Variants in MAS1 observed in about 807,000 individuals in gnomAD.
MAS1 encodes the protein MAS1 proto-oncogene, G protein-coupled receptor.
For synonymous variants in MAS1, 163 were observed against 164.2 expected (o/e 0.99, Z 0.05); for missense variants, 387 against 409.7 (o/e 0.94, Z 0.48).
chr6:159,905,349 G>A (rs1782872870), intron 2 of MAS1, among the ~76,000 whole-genome samples: 1 of 152,208 alleles, frequency 6.6e-6, no homozygotes, highest in South Asian at 2.1e-4. Context: ...ATCCTGTGTG[G>A]GTTCTTTTCC....
chr6:159,889,891 TG>T (rs1782678204), upstream of MAS1, among the ~76,000 whole-genome samples: 2 of 152,200 alleles, frequency 1.3e-5, no homozygotes, highest in Admixed American at 6.5e-5. Flanking sequence ...GGCTCTGCCC[TG>T]GGACTATGGT....
At chr6:159,892,221 C>T (rs570177415) in intron 1 of MAS1, among the ~76,000 whole-genome samples, 4 of 152,260 alleles carry the variant, frequency 2.6e-5, no homozygotes, top group South Asian at 4.1e-4. Context: ...ACATTCCCAT[C>T]GGAGCCCTTG....
At chr6:159,893,013 C>T (rs946638554) in intron 1 of MAS1, among the ~76,000 whole-genome samples, 2 of 152,176 alleles carry the variant, frequency 1.3e-5, no homozygotes, top group African/African-American at 4.8e-5. Flanking sequence ...GCCAAGCAGC[C>T]GTAGGCACAA....
intron 2 of MAS1, among the ~76,000 whole-genome samples, chr6:159,905,964 C>A (rs1450368951): frequency 3.3e-5 from 5 of 152,064 alleles, no homozygotes; most frequent in Admixed American, 6.5e-5. Context: ...ATCGCTTGAA[C>A]CTGGGAGGCG....
intron 1 of MAS1, among the ~76,000 whole-genome samples, chr6:159,895,727 G>A (rs949975050): frequency 6.6e-6 from 1 of 152,150 alleles, no homozygotes; most frequent in Non-Finnish European, 1.5e-5. Context: ...TGTAGAAAAA[G>A]AAACATATAT....
intron 1 of MAS1, among the ~76,000 whole-genome samples, chr6:159,894,023 G>A (rs1782728250): frequency 6.6e-6 from 1 of 152,176 alleles, no homozygotes; most frequent in South Asian, 2.1e-4. Flanking sequence ...AGACTGCTCT[G>A]CCACCTGATG....
At chr6:159,901,899 C>A (rs1215781295) in intron 2 of MAS1, among the ~76,000 whole-genome samples, 1 of 151,776 alleles carries the variant, frequency 6.6e-6, no homozygotes, top group Non-Finnish European at 1.5e-5. Flanking sequence ...TTTGAAACAC[C>A]TTTCTCAGAT....
chr6:159,900,778 C>A (rs1196170248), intron 2 of MAS1, among the ~76,000 whole-genome samples: 17 of 152,118 alleles, frequency 1.1e-4, no homozygotes, highest in Admixed American at 9.8e-4. Flanking sequence ...ATTCTTAGAA[C>A]TGTTATAATG....
intron 1 of MAS1, among the ~76,000 whole-genome samples, chr6:159,894,503 AAAG>A (rs959824295): frequency 2.6e-4 from 39 of 152,156 alleles, no homozygotes; most frequent in African/African-American, 8.2e-4. Flanking sequence ...AGCGAAGGAG[AAAG>A]AAGAAGAACT....
At chr6:159,895,160 G>A (rs1173924315) in intron 1 of MAS1, among the ~76,000 whole-genome samples, 2 of 152,236 alleles carry the variant, frequency 1.3e-5, no homozygotes, top group East Asian at 1.9e-4. Context: ...TAGACGGACT[G>A]TTGACAATGA....
intron 2 of MAS1, among the ~76,000 whole-genome samples, chr6:159,905,934 C>T (rs1363694105): frequency 6.6e-6 from 1 of 151,898 alleles, no homozygotes; most frequent in African/African-American, 2.4e-5. Context: ...CCCAGCTACT[C>T]AGGAAGCTGA....
intron 1 of MAS1, among the ~76,000 whole-genome samples, chr6:159,892,663 C>T (rs1306793664): frequency 6.6e-6 from 1 of 152,130 alleles, no homozygotes; most frequent in Non-Finnish European, 1.5e-5. Context: ...CTATCAGCTC[C>T]ACCACCCATC....
chr6:159,890,882 C>T (rs959405159), upstream of MAS1, among the ~76,000 whole-genome samples: 3 of 152,236 alleles, frequency 2.0e-5, no homozygotes, highest in Non-Finnish European at 4.4e-5. Context: ...TGAAGATTTT[C>T]ACTTGAGTGT....
In MAS1 at chr6:159,899,763, T is replaced by G. The variant is rs576126420; in HGVS notation, c.-37+371T>G. 4.4e-4 allele frequency among the ~76,000 whole-genome samples: 66 copies of G among 151,122 alleles called. 1 individual carries two copies. In the South Asian group the frequency reaches 8.6e-3, roughly 20 times the overall value. The stretch of plus-strand genomic sequence containing the variant: ...CAAAACAAAACAAAACAAAAGATAA[T>G]GAGGCCGGGCGCGGTAGCTCATGCC... On this transcript the variant is annotated intron_variant, in intron 2 of 2. Coordinates refer to ENST00000674077, the MANE Select transcript of MAS1 (RefSeq NM_002377.4).
At chr6:159,896,015 A>T (rs1583210781) in intron 1 of MAS1, among the ~76,000 whole-genome samples, 1 of 152,376 alleles carries the variant, frequency 6.6e-6, no homozygotes, top group Non-Finnish European at 1.5e-5. Flanking sequence ...ATTATTAAAA[A>T]TGAATAATGA....
At chr6:159,901,883 A>T (rs1782826352) in intron 2 of MAS1, among the ~76,000 whole-genome samples, 1 of 151,844 alleles carries the variant, frequency 6.6e-6, no homozygotes. Context: ...ATGAAAGAAG[A>T]TGCAATTTGA....
intron 1 of MAS1, among the ~76,000 whole-genome samples, chr6:159,891,973 C>G (rs752650920): frequency 6.6e-6 from 1 of 152,132 alleles, no homozygotes; most frequent in Non-Finnish European, 1.5e-5. Context: ...TGGCCTCTAC[C>G]AACTAGATAC....
intron 1 of MAS1, among the ~76,000 whole-genome samples, 191 bp from the exon 2 acceptor site, chr6:159,898,995 G>A (rs892348342): frequency 3.3e-5 from 5 of 152,226 alleles, no homozygotes; most frequent in Non-Finnish European, 7.4e-5. Context: ...TGTGCAAAAC[G>A]GTGGCTCTGA....
In MAS1 at chr6:159,911,401, T is replaced by C. The variant is rs4501449; in HGVS notation, c.*3468T>C. The C allele has an allele frequency of 0.41, 59,826 of 144,314 alleles. 13,636 individuals are homozygous for C. The highest frequency in any genetic ancestry group is 0.68 in the East Asian group (3,337 of 4,878). The allele number at this position is 144,314 out of a possible 1,614,324, so 8.9% of individuals were successfully genotyped here. A position where few individuals can be genotyped will look rare whatever the true frequency, so the allele number is the denominator to read the frequency against. ...CCCAGCTGGAGTGCGGTGGCGTGATTTCGGCTCACTGCAACCTCCACCTCC... is the reference window on the plus strand; with the variant it reads ...CCCAGCTGGAGTGCGGTGGCGTGATCTCGGCTCACTGCAACCTCCACCTCC... On this transcript the variant is annotated 3_prime_UTR_variant, in exon 3 of 3. Coordinates refer to ENST00000674077, the MANE Select transcript of MAS1 (RefSeq NM_002377.4).
Sources: gnomAD v4.1 joint callset for allele counts (sites outside exome capture counted in the v4.1 genomes callset) on GRCh38, gnomAD v4.1.1 for gene constraint, MANE v1.5 for transcripts, NCBI Gene and HGNC (gene_info 2026-07-23, HGNC 2026-07-21) for gene names.